The following SLC35A3 variants were observed in gnomAD, a reference collection of about 807,000 sequenced individuals.
SLC35A3 encodes the protein UDP-N-acetylglucosamine transporter.
Under a neutral mutation model 39.0 loss-of-function variants are expected in SLC35A3, and 26 were observed. That is an observed-to-expected ratio of 0.67 (90% CI 0.49 to 0.92). The LOEUF (loss-of-function observed/expected upper bound fraction) is 0.92, where lower values mean the gene tolerates loss of function less well. Ranked by LOEUF, SLC35A3 falls within the 40% of genes least tolerant of loss-of-function variation. The probability of loss-of-function intolerance (pLI) is 0.00; values close to 1 mark genes in which losing one functional copy is unlikely to be tolerated. For missense variants in SLC35A3, 299 were observed against 371.6 expected, an observed-to-expected ratio of 0.80 and a Z score of 1.61; for synonymous variants, 135 against 133.1, an observed-to-expected ratio of 1.01 and a Z score of -0.10.
intron 6 of SLC35A3, among the ~76,000 whole-genome samples, chr1:100,017,000 A>G (rs1042216565): frequency 6.6e-6 from 1 of 152,234 alleles, no homozygotes; most frequent in East Asian, 1.9e-4. Context: ...CTCTAAATAA[A>G]GCTTCCATCA....
At chr1:100,018,341 C>T (rs957952359) in intron 7 of SLC35A3, among the ~76,000 whole-genome samples, 4 of 152,026 alleles carry the variant, frequency 2.6e-5, no homozygotes, top group African/African-American at 9.7e-5. Context: ...TAATGAATAT[C>T]CATTACAGAC....
intron 1 of SLC35A3, among the ~76,000 whole-genome samples, chr1:99,980,006 T>C (rs908391181): frequency 6.6e-6 from 1 of 151,936 alleles, no homozygotes; most frequent in African/African-American, 2.4e-5. Flanking sequence ...ATCACACCAT[T>C]GTACTCCAGC....
intron 1 of SLC35A3, among the ~76,000 whole-genome samples, chr1:99,973,885 G>C (rs926205252): frequency 5.9e-5 from 9 of 152,098 alleles, no homozygotes; most frequent in African/African-American, 1.9e-4. Context: ...CGTGGTGGTG[G>C]ACACCTGTAG....
chr1:99,980,051 C>CTATA (rs140031526), intron 1 of SLC35A3, among the ~76,000 whole-genome samples: 1 of 151,200 alleles, frequency 6.6e-6, no homozygotes, highest in East Asian at 2.0e-4. Flanking sequence ...CTCTCTCTCT[C>CTATA]TATATATATG....
intron 3 of SLC35A3, among the ~76,000 whole-genome samples, chr1:100,005,072 A>G (rs1659122047): frequency 6.6e-6 from 1 of 152,158 alleles, no homozygotes; most frequent in African/African-American, 2.4e-5. Context: ...TCATTTTTTA[A>G]CAATAGTTTC....
chr1:100,011,993 C>T (rs1446507149), intron 5 of SLC35A3, among the ~76,000 whole-genome samples: 1 of 151,970 alleles, frequency 6.6e-6, no homozygotes, highest in Non-Finnish European at 1.5e-5. Flanking sequence ...GCTGGGATTA[C>T]AGGCGTGAGC....
At position 99,970,454 on chromosome 1, in the gene SLC35A3, G is replaced by C. The variant is rs577831469; in HGVS notation, c.-19+292G>C. 229 of 902,904 alleles carry C rather than the reference G, an allele frequency of 2.5e-4. 2 individuals carry two copies. The South Asian group carries it at 3.3e-3, about 13-fold the overall frequency. 55.9% of individuals were successfully genotyped at this position (902,904 alleles called of 1,614,324 possible). A position where few individuals can be genotyped will look rare whatever the true frequency, so the allele number is the denominator to read the frequency against. On this transcript the variant is annotated intron_variant, in intron 1 of 7. Coordinates refer to ENST00000533028, the MANE Select transcript of SLC35A3 (RefSeq NM_012243.3). ...GTGTGTCAAGCGAATGAAGACGGCA[G>C]TGTGTGCCTCAGCGCCTGGTGCGTG...
intron 1 of SLC35A3, among the ~76,000 whole-genome samples, chr1:99,980,063 A>G (rs901617964): frequency 1.3e-5 from 2 of 149,908 alleles, no homozygotes; most frequent in East Asian, 2.0e-4. Flanking sequence ...ATATATATGT[A>G]TATATATTCC....
rs376248055 is a variant in SLC35A3, at chr1:99,973,563, C to T, written c.-19+3401C>T. 5.9e-5 allele frequency among the ~76,000 whole-genome samples: 9 copies of T among 152,270 alleles called. No individual in the cohort carries two copies. In the East Asian group the frequency reaches 1.7e-3, roughly 29 times the overall value. On this transcript the variant is annotated intron_variant, in intron 1 of 7. Coordinates refer to ENST00000533028, the MANE Select transcript of SLC35A3 (RefSeq NM_012243.3). Reference sequence around the variant, plus strand: ...TTGCTTGGCTTCTCTATCCAGATTGCCTGACCAGAACTCTTTCTAGTTTAT... The same window carrying T: ...TTGCTTGGCTTCTCTATCCAGATTGTCTGACCAGAACTCTTTCTAGTTTAT...
chr1:100,026,476 T>C lies in SLC35A3; in HGVS notation c.*4000T>C, dbSNP rs1660917125. The C allele has an allele frequency of 6.6e-6, 1 of 152,218 alleles. No individual in the cohort carries two copies. Among genetic ancestry groups the C allele is most frequent in the Non-Finnish European group, 1.5e-5 (1 of 68,030 alleles). The allele number at this position is 152,218 out of a possible 1,614,324, so 9.4% of individuals were successfully genotyped here. A position where few individuals can be genotyped will look rare whatever the true frequency, so the allele number is the denominator to read the frequency against. On this transcript the variant is annotated 3_prime_UTR_variant, in exon 8 of 8. Transcript: ENST00000533028. ...GGAGGGTGTTCCTGTAATTCACAACTGTAGACACATGGGCAAAATTAGGAT... is the reference window on the plus strand; with the variant it reads ...GGAGGGTGTTCCTGTAATTCACAACCGTAGACACATGGGCAAAATTAGGAT...
At position 100,033,348 on chromosome 1, in the gene SLC35A3, G is replaced by GA. The variant is rs1296248016; in HGVS notation, c.*10878dup. The GA allele has an allele frequency of 6.6e-6, 1 of 151,322 alleles. No homozygotes were observed. Among genetic ancestry groups the GA allele is most frequent in the African/African-American group, 2.4e-5 (1 of 41,196 alleles). 9.4% of individuals were successfully genotyped at this position (151,322 alleles called of 1,614,324 possible). A position where few individuals can be genotyped will look rare whatever the true frequency, so the allele number is the denominator to read the frequency against. ...AAGTTTTATATGAAAAGTGTACTCT[G>GA]AAAAAATCTAGCTGTCATACCTATC... On this transcript the variant is annotated 3_prime_UTR_variant, in exon 8 of 8. Coordinates refer to ENST00000533028, the MANE Select transcript of SLC35A3 (RefSeq NM_012243.3).
chr1:99,987,445 G>A (rs185232080), intron 1 of SLC35A3, among the ~76,000 whole-genome samples: 2 of 152,152 alleles, frequency 1.3e-5, no homozygotes, highest in East Asian at 1.9e-4. Context: ...TATAATCTAT[G>A]TATATTTAAT....
At chr1:99,994,877 T>C (rs1430678537) in intron 2 of SLC35A3, among the ~76,000 whole-genome samples, 1 of 152,210 alleles carries the variant, frequency 6.6e-6, no homozygotes, top group Non-Finnish European at 1.5e-5. Context: ...TAAGGAACCA[T>C]CAAACTGTTT....
At chr1:100,007,718 C>A (rs1659344483) in intron 4 of SLC35A3, 2 of 152,234 alleles carry the variant, frequency 1.3e-5, no homozygotes, top group South Asian at 4.2e-4. Context: ...CACTGTGTTT[C>A]CCAGACTAGT....
At chr1:99,970,882 G>A (rs1656765953) in intron 1 of SLC35A3, among the ~76,000 whole-genome samples, 1 of 152,126 alleles carries the variant, frequency 6.6e-6, no homozygotes, top group Non-Finnish European at 1.5e-5. Flanking sequence ...GTAAACTCAG[G>A]GTGTTTCAAG....
chr1:99,974,782 C>T (rs1257852423), intron 1 of SLC35A3, among the ~76,000 whole-genome samples: 1 of 152,150 alleles, frequency 6.6e-6, no homozygotes, highest in Non-Finnish European at 1.5e-5. Flanking sequence ...CCTCCTTTTA[C>T]AGATTAAATG....
chr1:100,015,309 T>C lies in SLC35A3; in HGVS notation c.642T>C (p.Phe214=). The C allele has an allele frequency of 6.2e-7, 1 of 1,601,276 alleles. No individual in the cohort carries two copies. Among genetic ancestry groups the C allele is most frequent in the Non-Finnish European group, 8.5e-7 (1 of 1,175,406 alleles). The part of the protein sequence containing the change: ...VWIRNIQLGF[F]GSIFGLMGVY... ...GACTTTACTTTTTTTTAGGTTTCTTTGGAAGTATATTTGGATTAATGGGTG... is the reference window on the plus strand; with the variant it reads ...GACTTTACTTTTTTTTAGGTTTCTTCGGAAGTATATTTGGATTAATGGGTG... Residue 214 remains phenylalanine, a synonymous_variant, in exon 6 of 8, where the codon TTT becomes TTC. Coordinates refer to ENST00000533028, the MANE Select transcript of SLC35A3 (RefSeq NM_012243.3).
In SLC35A3 at chr1:100,024,560, AAAAAG is replaced by A. The variant is rs1198844389; in HGVS notation, c.*2089_*2093del. 1 of 206,568 alleles carries A rather than the reference AAAAAG, an allele frequency of 4.8e-6. No individual in the cohort carries two copies. The highest frequency in any genetic ancestry group is 9.6e-6 in the Non-Finnish European group (1 of 103,966). 12.8% of individuals were successfully genotyped at this position (206,568 alleles called of 1,614,324 possible). On this transcript the variant is annotated 3_prime_UTR_variant, in exon 8 of 8. Coordinates refer to ENST00000533028, the MANE Select transcript of SLC35A3 (RefSeq NM_012243.3). ...AGCGAGACTCCGTCTCAAAAAAAAA[AAAAAG>A]AAAACACACACACACACACACACAC...
At chr1:99,984,955 G>C (rs1657664442) in intron 1 of SLC35A3, among the ~76,000 whole-genome samples, 1 of 152,018 alleles carries the variant, frequency 6.6e-6, no homozygotes, top group Admixed American at 6.6e-5. Context: ...TTGCTGATTT[G>C]CTTGAGTTCC....
Sources: allele counts gnomAD v4.1 joint callset (sites outside exome capture counted in the v4.1 genomes callset), GRCh38; gene constraint gnomAD v4.1.1; transcripts MANE v1.5; gene names NCBI Gene and HGNC (gene_info 2026-07-23, HGNC 2026-07-21).